Variants in ANK3 observed in about 807,000 individuals in gnomAD.
The protein encoded by ANK3 is ankyrin-3.
Under a neutral mutation model 370.9 loss-of-function variants are expected in ANK3, and 57 were observed. The ratio of observed to expected loss-of-function variants is 0.15; its 90% CI spans 0.12 to 0.19. ANK3 has a LOEUF of 0.19. Ranked by LOEUF, ANK3 falls within the 10% of genes least tolerant of loss-of-function variation. The pLI, the probability that ANK3 is intolerant of heterozygous loss-of-function variation, is 1.00. For synonymous variants in ANK3, 1,929 were observed against 1,946.3 expected, an observed-to-expected ratio of 0.99 and a Z score of 0.23; for missense variants, 4,439 against 5,302.1, an observed-to-expected ratio of 0.84 and a Z score of 5.06.
intron 16 of ANK3, among the ~76,000 whole-genome samples, chr10:60,192,743 A>G (rs2096511937): frequency 1.3e-5 from 2 of 152,100 alleles, no homozygotes; most frequent in African/African-American, 4.8e-5. Context: ...AATGGGTACA[A>G]TGTACACATT....
intron 2 of ANK3, among the ~76,000 whole-genome samples, chr10:60,409,196 T>C (rs1218144970): frequency 6.6e-6 from 1 of 152,220 alleles, no homozygotes; most frequent in Non-Finnish European, 1.5e-5. Context: ...CCTCCCTTCA[T>C]GCCACGTATT....
At chr10:60,476,071 C>T (rs558868271) in intron 2 of ANK3, among the ~76,000 whole-genome samples, 1 of 152,288 alleles carries the variant, frequency 6.6e-6, no homozygotes, top group East Asian at 1.9e-4. Flanking sequence ...AATATTTTGT[C>T]TTCAACATTG....
intron 2 of ANK3, among the ~76,000 whole-genome samples, chr10:60,411,402 T>C (rs2063557646): frequency 1.3e-5 from 2 of 152,200 alleles, no homozygotes; most frequent in Non-Finnish European, 2.9e-5. Flanking sequence ...TAAGGATAAG[T>C]AGATGTTTTC....
intron 2 of ANK3, among the ~76,000 whole-genome samples, chr10:60,450,684 T>A (rs2064576854): frequency 6.6e-6 from 1 of 151,906 alleles, no homozygotes; most frequent in African/African-American, 2.4e-5. Context: ...AAACAGGAAA[T>A]GAATCTGGAA....
intron 2 of ANK3, among the ~76,000 whole-genome samples, chr10:60,557,437 A>T (rs900582447): frequency 1.3e-5 from 2 of 152,192 alleles, no homozygotes; most frequent in African/African-American, 4.8e-5. Context: ...ATGGGAAAAT[A>T]CATAGAGAAA....
Position 60,344,525 on chromosome 10 carries a change from G to A in ANK3, c.114+44900C>T, listed in dbSNP as rs1167707581. ...GCAAAGAGGTATAAAAAAGCGTTCT[G>A]CATCCCCAAGGTATTCCCACGCACA... On this transcript the variant is annotated intron_variant, in intron 1 of 43. Transcript: ENST00000280772. Among the ~76,000 whole-genome samples, 3 of 152,072 alleles carry A rather than the reference G, an allele frequency of 2.0e-5. No homozygotes were observed. The South Asian group carries it at 6.2e-4, about 32-fold the overall frequency.
At chr10:60,036,830 A>G (rs1483410118) in intron 43 of ANK3, among the ~76,000 whole-genome samples, 3 of 152,110 alleles carry the variant, frequency 2.0e-5, no homozygotes, top group East Asian at 1.9e-4. Context: ...AGGTAATCAC[A>G]TCTGTTCACT....
intron 1 of ANK3, among the ~76,000 whole-genome samples, chr10:60,695,977 A>G (rs1333541077): frequency 6.6e-6 from 1 of 151,194 alleles, no homozygotes; most frequent in African/African-American, 2.4e-5. Context: ...GTTTTTTGAA[A>G]GGATCAACAA....
intron 2 of ANK3, among the ~76,000 whole-genome samples, chr10:60,562,562 C>T (rs900079653): frequency 6.6e-6 from 1 of 152,132 alleles, no homozygotes; most frequent in African/African-American, 2.4e-5. Flanking sequence ...TACAGGCTCA[C>T]ACCACCACGC....
intron 1 of ANK3, among the ~76,000 whole-genome samples, chr10:60,711,180 G>A (rs1311399001): frequency 6.6e-6 from 1 of 152,124 alleles, no homozygotes; most frequent in Non-Finnish European, 1.5e-5. Context: ...GCAGAGAGAT[G>A]TAAACTCTAA....
At chr10:60,194,800 C>T (rs1344126188) in intron 16 of ANK3, among the ~76,000 whole-genome samples, 1 of 152,078 alleles carries the variant, frequency 6.6e-6, no homozygotes, top group Non-Finnish European at 1.5e-5. Context: ...GGGAAAGCTA[C>T]ATTTAGATTA....
At chr10:60,104,099 G>T (rs1020456051) in intron 28 of ANK3, among the ~76,000 whole-genome samples, 18 of 152,178 alleles carry the variant, frequency 1.2e-4, no homozygotes, top group Non-Finnish European at 1.9e-4. Context: ...TAGGAGGAGT[G>T]AGAGGATCAC....
At chr10:60,721,207 G>A (rs752746138) in intron 1 of ANK3, among the ~76,000 whole-genome samples, 11 of 152,168 alleles carry the variant, frequency 7.2e-5, no homozygotes, top group Non-Finnish European at 1.3e-4. Context: ...CAGACTGACT[G>A]TCACCATCTG....
chr10:60,340,814 A>G (rs896951795), intron 1 of ANK3, among the ~76,000 whole-genome samples: 1 of 152,124 alleles, frequency 6.6e-6, no homozygotes, highest in African/African-American at 2.4e-5. Context: ...CTAAGCACTT[A>G]ATCTGTGCAA....
intron 7 of ANK3, among the ~76,000 whole-genome samples, chr10:60,258,471 G>A (rs778753628): frequency 4.6e-5 from 7 of 152,134 alleles, no homozygotes; most frequent in Non-Finnish European, 7.4e-5. Context: ...ATCAGTTACC[G>A]GAACTGCTAC....
At chr10:60,575,670 T>G (rs2077674140) in intron 2 of ANK3, among the ~76,000 whole-genome samples, 1 of 152,164 alleles carries the variant, frequency 6.6e-6, no homozygotes, top group African/African-American at 2.4e-5. Flanking sequence ...TGAAACTGTG[T>G]TAAGGCCAAA....
rs1424754852 is a variant in ANK3, at chr10:60,075,086, T to G, written c.5795A>C (p.Glu1932Ala). The G allele has an allele frequency of 1.2e-6, 2 of 1,613,988 alleles. No homozygotes were observed. The highest frequency in any genetic ancestry group is 2.7e-5 in the African/African-American group (2 of 74,946). The change falls in exon 37 of 44, where the codon GAA (glutamate) becomes GCA (alanine). Residue 1932 changes from glutamate (E) to alanine (A), a missense_variant. Coordinates refer to ENST00000280772, the MANE Select transcript of ANK3 (RefSeq NM_020987.5). The stretch of plus-strand genomic sequence containing the variant: ...ATCTATTCTCCCTTCCTTTGGGAGT[T>G]CAGGTTGGAATGGCTTCTCCTCAGG... ...DVPEEKPFQPELPKEGRIDDE... is the reference protein window; with the variant it reads ...DVPEEKPFQPALPKEGRIDDE...
chr10:60,323,215 A>G (rs774946457), intron 1 of ANK3, among the ~76,000 whole-genome samples: 18 of 152,330 alleles, frequency 1.2e-4, no homozygotes, highest in Non-Finnish European at 2.5e-4. Context: ...GAGAAACAGA[A>G]GATACCTCAA....
chr10:60,220,930 A>G (rs940807638), intron 8 of ANK3, among the ~76,000 whole-genome samples: 1 of 152,210 alleles, frequency 6.6e-6, no homozygotes, highest in Non-Finnish European at 1.5e-5. Context: ...AGCTGCACTC[A>G]TTCATCCTTG....
Sources: gnomAD v4.1 joint callset for allele counts (sites outside exome capture counted in the v4.1 genomes callset) on GRCh38, gnomAD v4.1.1 for gene constraint, MANE v1.5 for transcripts, NCBI Gene and HGNC (gene_info 2026-07-23, HGNC 2026-07-21) for gene names.